AFF3: variants seen among roughly 807,000 people sequenced by gnomAD.
AFF3 encodes ALF transcription elongation factor 3, also known as AF4/FMR2 family member 3.
In AFF3, 32 loss-of-function variants were observed where a neutral mutation model predicts 129.7. The ratio of observed to expected loss-of-function variants is 0.25; its 90% confidence interval spans 0.19 to 0.33. AFF3 has a LOEUF of 0.33. Ranked by LOEUF, AFF3 falls within the 10% of genes least tolerant of loss-of-function variation. AFF3 has a pLI of 1.00. For synonymous variants in AFF3, 644 were observed against 635.4 expected, an observed-to-expected ratio of 1.01 and a Z score of -0.20; for missense variants, 1,373 against 1,592.0, an observed-to-expected ratio of 0.86 and a Z score of 2.34.
chr2:99,980,217 C>A (rs973673196), intron 7 of AFF3, among the ~76,000 whole-genome samples: 9 of 152,206 alleles, frequency 5.9e-5, no homozygotes, highest in Non-Finnish European at 1.5e-5. Context: ...TGCCTTTCCC[C>A]TGCTGTTCCT....
At chr2:99,596,302 T>C (rs1186834782) in intron 14 of AFF3, among the ~76,000 whole-genome samples, 1 of 152,128 alleles carries the variant, frequency 6.6e-6, no homozygotes. Flanking sequence ...TGCCCTCCCA[T>C]GGTCAGAGAA....
At chr2:99,608,031 A>G (rs1175971783) in intron 13 of AFF3, among the ~76,000 whole-genome samples, 1 of 152,154 alleles carries the variant, frequency 6.6e-6, no homozygotes, top group Non-Finnish European at 1.5e-5. Context: ...GTTCTGCAAC[A>G]CTTCCAAGAA....
rs780451187 is a variant in AFF3 at position 99,746,190 on chromosome 2, AG to A, written c.1003-2051del. On this transcript the variant is annotated intron_variant, in intron 9 of 24. Coordinates refer to ENST00000672756, the MANE Select transcript of AFF3 (RefSeq NM_001386135.1). ...TGAATAGGAATGTAAAAAAAAAAAAAGGTAGCAGGACATAAAATCCAGCAAA... is the reference window on the plus strand; with the variant it reads ...TGAATAGGAATGTAAAAAAAAAAAAAGTAGCAGGACATAAAATCCAGCAAA... Among the ~76,000 whole-genome samples the A allele has an allele frequency of 4.1e-3, 607 of 148,876 alleles. 1 individual carries two copies. The highest frequency in any genetic ancestry group is 7.0e-3 in the Middle Eastern group (2 of 286).
intron 8 of AFF3, among the ~76,000 whole-genome samples, chr2:99,809,623 G>T (rs536021954): frequency 2.0e-5 from 3 of 152,188 alleles, no homozygotes; most frequent in Non-Finnish European, 4.4e-5. Flanking sequence ...AGCTGTAGGG[G>T]ATGTTCTGGG....
At chr2:99,982,877 A>G (rs940261752) in intron 7 of AFF3, among the ~76,000 whole-genome samples, 2 of 152,204 alleles carry the variant, frequency 1.3e-5, no homozygotes, top group African/African-American at 2.4e-5. Context: ...GAAACAGAAC[A>G]TTATGCTTTA....
At chr2:100,055,475 A>G (rs1431743649) in intron 4 of AFF3, among the ~76,000 whole-genome samples, 1 of 151,092 alleles carries the variant, frequency 6.6e-6, no homozygotes, top group African/African-American at 2.4e-5. Context: ...AAAAAAAAAA[A>G]AAAGAAAAGA....
At chr2:100,074,256 T>C (rs1688421854) in intron 4 of AFF3, among the ~76,000 whole-genome samples, 1 of 152,180 alleles carries the variant, frequency 6.6e-6, no homozygotes, top group Admixed American at 6.5e-5. Context: ...CTCCTGGACT[T>C]TTCTGCCTCC....
intron 7 of AFF3, among the ~76,000 whole-genome samples, chr2:99,994,155 A>T (rs534647009): frequency 1.3e-5 from 2 of 152,232 alleles, no homozygotes; most frequent in African/African-American, 4.8e-5. Context: ...ACAAACTGAT[A>T]CGCAGACTGA....
At chr2:99,606,915 CAAAAAA>C (rs10680840) in intron 13 of AFF3, among the ~76,000 whole-genome samples, 6 of 62,188 alleles carry the variant, frequency 9.6e-5, no homozygotes, top group Admixed American at 4.3e-4. Flanking sequence ...CTCCGTCTCA[CAAAAAA>C]AAAAAAAAAA....
At chr2:99,773,887 C>G (rs4369915) in intron 8 of AFF3, among the ~76,000 whole-genome samples, 15,584 of 152,174 alleles carry the variant, frequency 0.1, 2,477 homozygotes, top group African/African-American at 0.34. Context: ...AAAGTCTCAG[C>G]ATATAAAATC....
intron 10 of AFF3, among the ~76,000 whole-genome samples, chr2:99,728,567 T>TA (rs1679550409): frequency 6.6e-6 from 1 of 152,196 alleles, no homozygotes; most frequent in African/African-American, 2.4e-5. Flanking sequence ...CTCTTTTTCT[T>TA]ATAGGAATAA....
At chr2:99,577,800 C>G (rs1231757173) in intron 18 of AFF3, among the ~76,000 whole-genome samples, 3 of 152,014 alleles carry the variant, frequency 2.0e-5, no homozygotes, top group Admixed American at 6.6e-5. Context: ...TAAAATGATG[C>G]TGGGAATGGA....
At chr2:99,621,893 G>A (rs1682057451) in intron 13 of AFF3, among the ~76,000 whole-genome samples, 1 of 152,076 alleles carries the variant, frequency 6.6e-6, no homozygotes, top group Non-Finnish European at 1.5e-5. Flanking sequence ...GTTGTGTGGG[G>A]GAAGCTGAAA....
intron 7 of AFF3, among the ~76,000 whole-genome samples, chr2:99,860,281 A>G (rs903590721): frequency 6.6e-6 from 1 of 151,944 alleles, no homozygotes; most frequent in Non-Finnish European, 1.5e-5. Flanking sequence ...GCAGCTGGGC[A>G]TGGTGCTCAT....
intron 7 of AFF3, among the ~76,000 whole-genome samples, chr2:99,950,966 T>C (rs1403175569): frequency 1.3e-5 from 2 of 152,194 alleles, no homozygotes; most frequent in Non-Finnish European, 2.9e-5. Flanking sequence ...CTTTATCAAA[T>C]TTGGTGTCCA....
At chr2:100,040,814 GCAAGAGGA>G (rs1184670281) in intron 4 of AFF3, among the ~76,000 whole-genome samples, 1 of 152,264 alleles carries the variant, frequency 6.6e-6, no homozygotes, top group Non-Finnish European at 1.5e-5. Flanking sequence ...ATGCTGAGCA[GCAAGAGGA>G]CAGATCTCTT....
intron 4 of AFF3, among the ~76,000 whole-genome samples, chr2:100,067,385 T>C (rs1044298753): frequency 1.2e-4 from 18 of 152,154 alleles, no homozygotes; most frequent in African/African-American, 4.3e-4. Flanking sequence ...CAGATGTGAG[T>C]GTACACATGT....
At chr2:99,873,577 A>G (rs1407122017) in intron 7 of AFF3, among the ~76,000 whole-genome samples, 2 of 152,124 alleles carry the variant, frequency 1.3e-5, no homozygotes, top group Non-Finnish European at 2.9e-5. Context: ...TCCTGCAGGG[A>G]TGTGGTGAGG....
chr2:99,600,451 G>A (rs189216580), intron 14 of AFF3, among the ~76,000 whole-genome samples: 2 of 152,192 alleles, frequency 1.3e-5, no homozygotes, highest in African/African-American at 4.8e-5. Flanking sequence ...CCAAGGCACC[G>A]CTATAAAAGC....
Sources: gnomAD v4.1 joint callset for allele counts (sites outside exome capture counted in the v4.1 genomes callset) on GRCh38, gnomAD v4.1.1 for gene constraint, MANE v1.5 for transcripts, NCBI Gene and HGNC (gene_info 2026-07-23, HGNC 2026-07-21) for gene names.